The following TRABD2B variants were observed in gnomAD, a reference collection of about 807,000 sequenced individuals.
The protein encoded by TRABD2B is metalloprotease TIKI2.
A neutral mutation model predicts 40.1 loss-of-function variants in TRABD2B; 14 were observed. The ratio of observed to expected loss-of-function variants is 0.35; its 90% confidence interval spans 0.23 to 0.55. The LOEUF is 0.55. TRABD2B is among the 20% of genes least tolerant of loss of function. The pLI is 0.90. For synonymous variants in TRABD2B, 263 were observed against 277.0 expected, an observed-to-expected ratio of 0.95 and a Z score of 0.50; for missense variants, 541 against 648.6, an observed-to-expected ratio of 0.83 and a Z score of 1.80.
At chr1:47,961,974 C>T (rs1447521809) in intron 2 of TRABD2B, among the ~76,000 whole-genome samples, 1 of 152,114 alleles carries the variant, frequency 6.6e-6, no homozygotes, top group Non-Finnish European at 1.5e-5. Flanking sequence ...AAATGTCCAT[C>T]AATGATAGAC....
rs1433243454 is a variant in TRABD2B, at chr1:47,761,740, T to C, written c.*4162A>G. The C allele has an allele frequency of 6.6e-6, 1 of 152,270 alleles. No individual in the cohort carries two copies. Among genetic ancestry groups the C allele is most frequent in the Admixed American group, 6.5e-5 (1 of 15,286 alleles). 9.4% of individuals were successfully genotyped at this position (152,270 alleles called of 1,614,324 possible). ...GCCCCTGCTCAAACACCTCTCCCGA[T>C]GGGAAACCTGCCACCCTTGGGGGCT... On this transcript the variant is annotated 3_prime_UTR_variant, in exon 7 of 7. Transcript: ENST00000606738.
intron 3 of TRABD2B, 25 bp downstream of exon 3, chr1:47,801,448 C>A (rs1260365689): frequency 6.5e-7 from 1 of 1,533,548 alleles, no homozygotes; most frequent in Non-Finnish European, 8.7e-7. Flanking sequence ...TGCCAGGTAT[C>A]CAGGTCTTTG....
At chr1:47,915,136 A>G (rs1405561441) in intron 2 of TRABD2B, among the ~76,000 whole-genome samples, 2 of 152,254 alleles carry the variant, frequency 1.3e-5, no homozygotes, top group Non-Finnish European at 2.9e-5. Context: ...GGGTGCAGTT[A>G]GCACATCTTG....
chr1:47,936,000 G>A (rs1203234127), intron 2 of TRABD2B, among the ~76,000 whole-genome samples: 1 of 152,230 alleles, frequency 6.6e-6, no homozygotes, highest in Non-Finnish European at 1.5e-5. Context: ...AGAGCTAAGA[G>A]CTGCTGCCTT....
intron 2 of TRABD2B, among the ~76,000 whole-genome samples, chr1:47,809,852 G>A (rs1380210552): frequency 6.6e-6 from 1 of 152,298 alleles, no homozygotes; most frequent in Admixed American, 6.5e-5. Flanking sequence ...TCTTCACTAC[G>A]AACCTCTGGG....
chr1:47,924,899 C>G (rs552541872), intron 2 of TRABD2B, among the ~76,000 whole-genome samples: 2 of 152,284 alleles, frequency 1.3e-5, no homozygotes, highest in East Asian at 3.9e-4. Context: ...TGACTAAGAA[C>G]CTACTCCTGT....
chr1:47,870,403 T>C (rs376623704), intron 2 of TRABD2B, among the ~76,000 whole-genome samples: 1 of 152,306 alleles, frequency 6.6e-6, no homozygotes, highest in African/African-American at 2.4e-5. Context: ...CTTCCACAAC[T>C]AGCTGGAGGC....
intron 2 of TRABD2B, among the ~76,000 whole-genome samples, chr1:47,885,570 G>A (rs115548156): frequency 2.0e-5 from 3 of 152,258 alleles, no homozygotes; most frequent in East Asian, 1.9e-4. Context: ...GTGATTTAAC[G>A]AAGCAAGGGG....
At chr1:47,985,592 G>A (rs1429054255) in intron 2 of TRABD2B, among the ~76,000 whole-genome samples, 1 of 152,200 alleles carries the variant, frequency 6.6e-6, no homozygotes, top group Non-Finnish European at 1.5e-5. Flanking sequence ...CTCAGAGATG[G>A]CCCCAGGGCC....
At chr1:47,988,881 C>T (rs747119644) in intron 2 of TRABD2B, among the ~76,000 whole-genome samples, 37 of 152,320 alleles carry the variant, frequency 2.4e-4, no homozygotes, top group Admixed American at 1.5e-3. Flanking sequence ...GCTTTGAATA[C>T]GACCTGCCTA....
At chr1:47,793,252 A>G (rs1644700287) in intron 4 of TRABD2B, among the ~76,000 whole-genome samples, 1 of 152,132 alleles carries the variant, frequency 6.6e-6, no homozygotes, top group Non-Finnish European at 1.5e-5. Flanking sequence ...GACTTGCCGG[A>G]GGCCACAACA....
At chr1:47,995,551 A>T (rs1403117997) in intron 1 of TRABD2B, among the ~76,000 whole-genome samples, 2 of 151,902 alleles carry the variant, frequency 1.3e-5, no homozygotes, top group African/African-American at 4.8e-5. Flanking sequence ...AGCTGAAGAG[A>T]GGCATGCAGA....
At chr1:47,978,771 G>A (rs891273088) in intron 2 of TRABD2B, among the ~76,000 whole-genome samples, 11 of 152,162 alleles carry the variant, frequency 7.2e-5, no homozygotes, top group Admixed American at 3.9e-4. Context: ...TGACGTCCTC[G>A]CTCCTCCCCG....
chr1:47,772,523 G>A (rs1306724049), intron 6 of TRABD2B, among the ~76,000 whole-genome samples: 4 of 152,116 alleles, frequency 2.6e-5, no homozygotes, highest in Admixed American at 2.6e-4. Flanking sequence ...CCATATGGGA[G>A]GGCACTCGGG....
At chr1:47,947,368 T>A (rs1427280617) in intron 2 of TRABD2B, among the ~76,000 whole-genome samples, 2 of 152,188 alleles carry the variant, frequency 1.3e-5, no homozygotes, top group Non-Finnish European at 2.9e-5. Context: ...CACCCAAGGT[T>A]GGTCAACACT....
intron 2 of TRABD2B, among the ~76,000 whole-genome samples, chr1:47,882,328 C>T (rs1414628193): frequency 6.6e-6 from 1 of 152,208 alleles, no homozygotes; most frequent in Admixed American, 6.5e-5. Flanking sequence ...TCTGCCACTG[C>T]ATCACCCCCA....
intron 2 of TRABD2B, among the ~76,000 whole-genome samples, chr1:47,970,909 A>ATC (rs1645673347): frequency 1.3e-5 from 2 of 152,194 alleles, no homozygotes; most frequent in Admixed American, 6.5e-5. Context: ...TGGCCAAAGC[A>ATC]AGTGACAAGA....
At chr1:47,891,992 T>C (rs1172885454) in intron 2 of TRABD2B, among the ~76,000 whole-genome samples, 1 of 152,226 alleles carries the variant, frequency 6.6e-6, no homozygotes, top group African/African-American at 2.4e-5. Context: ...TAGCTTTTGC[T>C]AGGAGTAAAA....
chr1:47,893,828 G>T (rs1199841531), intron 2 of TRABD2B, among the ~76,000 whole-genome samples: 1 of 152,084 alleles, frequency 6.6e-6, no homozygotes, highest in Non-Finnish European at 1.5e-5. Context: ...TCATCAGAGG[G>T]GCAGGCTCTT....
Sources: gnomAD v4.1 joint callset for allele counts (sites outside exome capture counted in the v4.1 genomes callset) on GRCh38, gnomAD v4.1.1 for gene constraint, MANE v1.5 for transcripts, NCBI Gene and HGNC (gene_info 2026-07-23, HGNC 2026-07-21) for gene names.